The following ZDHHC16 variants were observed in gnomAD, a reference collection of about 807,000 sequenced individuals.
The protein encoded by ZDHHC16 is palmitoyltransferase ZDHHC16.
In ZDHHC16, 33 loss-of-function variants were observed where a neutral mutation model predicts 54.4. The ratio of observed to expected loss-of-function variants is 0.61; its 90% CI spans 0.46 to 0.81. The LOEUF (loss-of-function observed/expected upper bound fraction) is 0.81, where lower values mean the gene tolerates loss of function less well. Ranked by LOEUF, ZDHHC16 falls within the 30% of genes least tolerant of loss-of-function variation. The pLI is 0.00. For missense variants in ZDHHC16, 420 were observed against 485.9 expected (o/e 0.86, Z 1.28); for synonymous variants, 185 against 182.1 (o/e 1.02, Z -0.13).
At chr10:97,448,742 A>G (rs1441220737) in intron 1 of ZDHHC16, among the ~76,000 whole-genome samples, 1 of 152,218 alleles carries the variant, frequency 6.6e-6, no homozygotes, top group Non-Finnish European at 1.5e-5. Context: ...TGGGCAACAG[A>G]GCGAGACTTC....
chr10:97,454,657 G>A, intron 8 of ZDHHC16, 57 bp from the exon 9 acceptor site: 1 of 1,442,390 alleles, frequency 6.9e-7, no homozygotes, highest in Non-Finnish European at 9.8e-7. Flanking sequence ...GGTGCTGGGG[G>A]CAGTTGCTGG....
At position 97,457,074 on chromosome 10, in the gene ZDHHC16, G is replaced by A; in HGVS notation, c.*183G>A. ...CACTGCAGAAGAAAGACACAATGTG[G>A]AGAAATCTTAGGACTGACATCCCTT... On this transcript the variant is annotated 3_prime_UTR_variant, in exon 12 of 12. Coordinates refer to ENST00000393760, the MANE Select transcript of ZDHHC16 (RefSeq NM_198046.3). The A allele has an allele frequency of 9.5e-6, 4 of 421,260 alleles. No individual in the cohort carries two copies. The highest frequency in any genetic ancestry group is 1.7e-5 in the Non-Finnish European group (4 of 236,332). The allele number at this position is 421,260 out of a possible 1,614,324, so 26.1% of individuals were successfully genotyped here.
rs778391176 is a variant in ZDHHC16 at position 97,452,395 on chromosome 10, T to C, written c.439-20T>C. ...AGAGACAGAACTGGTGCTGCCACGT[T>C]ATGCTCTCCCTTCACACAGGGCAGG... On this transcript the variant is annotated intron_variant, in intron 4 of 11. Transcript: ENST00000393760. 4 of 1,613,732 alleles carry C rather than the reference T, an allele frequency of 2.5e-6. No individual in the cohort carries two copies. Among genetic ancestry groups the C allele is most frequent in the Admixed American group, 3.3e-5 (2 of 59,996 alleles).
chr10:97,449,359 A>G (rs1376879910), intron 1 of ZDHHC16, among the ~76,000 whole-genome samples: 1 of 152,112 alleles, frequency 6.6e-6, no homozygotes, highest in Non-Finnish European at 1.5e-5. Context: ...TCCATGACCT[A>G]TAGAAAGGGA....
chr10:97,453,284 T>C (rs1846821103), intron 6 of ZDHHC16, among the ~76,000 whole-genome samples: 1 of 152,140 alleles, frequency 6.6e-6, no homozygotes, highest in Non-Finnish European at 1.5e-5. Context: ...GGCAGATTCA[T>C]TTTACTGAAG....
Position 97,447,575 on chromosome 10 carries a change from C to A in ZDHHC16, c.-186+1222C>A, listed in dbSNP as rs553220188. Among the ~76,000 whole-genome samples, 48 of 152,264 alleles carry A rather than the reference C, an allele frequency of 3.2e-4. No individual in the cohort carries two copies. The Middle Eastern group carries it at 0.014, about 43-fold the overall frequency. On this transcript the variant is annotated intron_variant, in intron 1 of 11. Transcript: ENST00000393760. ...TTCCTCCCGTTCACTGAGATTAGCC[C>A]CTTCTCCCCTACACACATCTTTTTG... is the stretch of plus-strand genomic sequence containing the variant.
chr10:97,446,208 C>T lies in ZDHHC16; in HGVS notation c.-331C>T, dbSNP rs1264629058. ...GGATGGGCTGGCGGCGGGTCCGGGTCCGCTGCCTGGCGCTGCGGGCGGCGG... is the reference window on the plus strand; with the variant it reads ...GGATGGGCTGGCGGCGGGTCCGGGTTCGCTGCCTGGCGCTGCGGGCGGCGG... On this transcript the variant is annotated 5_prime_UTR_variant, in exon 1 of 12. Transcript: ENST00000393760. The T allele has an allele frequency of 1.8e-5, 12 of 654,916 alleles. No individual in the cohort carries two copies. The highest frequency in any genetic ancestry group is 3.7e-5 in the African/African-American group (2 of 54,766). 40.6% of individuals were successfully genotyped at this position (654,916 alleles called of 1,614,324 possible).
At chr10:97,448,582 C>A (rs1050304580) in intron 1 of ZDHHC16, among the ~76,000 whole-genome samples, 18 of 152,270 alleles carry the variant, frequency 1.2e-4, no homozygotes, top group African/African-American at 4.1e-4. Context: ...CATTGCGAAA[C>A]CCCGTCTCTA....
chr10:97,456,906 G>A lies in ZDHHC16; in HGVS notation c.*15G>A, dbSNP rs1847325758. ...TGGCAGTGTGAGCTGGACTGTGTCA[G>A]CCACGACTCGAGCACTCATTCTGCT... On this transcript the variant is annotated 3_prime_UTR_variant, in exon 12 of 12. Transcript: ENST00000393760. 9.5e-6 allele frequency: 15 copies of A among 1,585,124 alleles called. No homozygotes were observed. Among genetic ancestry groups the A allele is most frequent in the Non-Finnish European group, 1.3e-5 (15 of 1,162,206 alleles).
At chr10:97,448,015 T>C (rs1456940158) in intron 1 of ZDHHC16, among the ~76,000 whole-genome samples, 8 of 152,120 alleles carry the variant, frequency 5.3e-5, no homozygotes, top group Non-Finnish European at 2.9e-5. Flanking sequence ...CATTAGCTAA[T>C]GGAGAGAGGC....
intron 2 of ZDHHC16, chr10:97,450,839 C>T (rs554085462): frequency 2.8e-5 from 4 of 144,156 alleles, no homozygotes; most frequent in Admixed American, 7.1e-5. Context: ...GGTCAGGACC[C>T]GAGGCCTTCA....
chr10:97,452,708 A>G, intron 5 of ZDHHC16, 187 bp from the exon 6 acceptor site: 1 of 930,932 alleles, frequency 1.1e-6, no homozygotes, highest in Non-Finnish European at 1.6e-6. Context: ...GTTTGGAGAG[A>G]TGAGTTACCT....
At position 97,451,675 on chromosome 10, in the gene ZDHHC16, C is replaced by A; in HGVS notation, c.-1C>A. The A allele has an allele frequency of 1.2e-6, 2 of 1,608,492 alleles. No homozygotes were observed. Among genetic ancestry groups the A allele is most frequent in the Non-Finnish European group, 1.7e-6 (2 of 1,178,162 alleles). ...CACAATGGTGTGCTCTCGTAGGAAC[C>A]ATGCGAGGCCAGCGGAGCCTGCTGC... On this transcript the variant is annotated 5_prime_UTR_variant, in exon 3 of 12. Coordinates refer to ENST00000393760, the MANE Select transcript of ZDHHC16 (RefSeq NM_198046.3).
Position 97,456,196 on chromosome 10 carries a change from G to T in ZDHHC16, c.1019+152G>T, listed in dbSNP as rs3818909. On this transcript the variant is annotated intron_variant, in intron 11 of 11. Coordinates refer to ENST00000393760, the MANE Select transcript of ZDHHC16 (RefSeq NM_198046.3). The stretch of plus-strand genomic sequence containing the variant: ...TAGAGATCATTGTCCATTTGAACCA[G>T]AAAGGCTTGAGGCCAATACTGTGTG... 15 of 784,768 alleles carry T rather than the reference G, an allele frequency of 1.9e-5. No homozygotes were observed. The East Asian group carries it at 3.8e-4, about 20-fold the overall frequency. 48.6% of individuals were successfully genotyped at this position (784,768 alleles called of 1,614,324 possible).
chr10:97,456,457 T>C (rs1847217851), intron 11 of ZDHHC16: 1 of 300,174 alleles, frequency 3.3e-6, no homozygotes, highest in Non-Finnish European at 6.2e-6. Context: ...GAAACAATTT[T>C]TCAAATGGCA....
chr10:97,454,631 T>C, intron 8 of ZDHHC16, 83 bp from the exon 9 acceptor site: 1 of 1,266,538 alleles, frequency 7.9e-7, no homozygotes, highest in Non-Finnish European at 1.1e-6. Context: ...TGGATTTGGA[T>C]CATTTCCTGC....
intron 9 of ZDHHC16, 150 bp downstream of exon 9, chr10:97,454,949 TCAGGGCAGG>T: frequency 4.5e-6 from 3 of 673,394 alleles, no homozygotes; most frequent in Admixed American, 2.6e-5. Flanking sequence ...TCTTCAGCAT[TCAGGGCAGG>T]GAGCACTGAG....
At chr10:97,447,371 A>C (rs1846177919) in intron 1 of ZDHHC16, among the ~76,000 whole-genome samples, 1 of 152,206 alleles carries the variant, frequency 6.6e-6, no homozygotes, top group East Asian at 1.9e-4. Context: ...CTGTCCCCTC[A>C]GTCGACTTTC....
chr10:97,451,687 G>A lies in ZDHHC16; in HGVS notation c.12G>A (p.Gln4=). The stretch of plus-strand genomic sequence containing the variant: ...CTCTCGTAGGAACCATGCGAGGCCA[G>A]CGGAGCCTGCTGCTGGGCCCGGCCC... MRG[Q]RSLLLGPARL... is the part of the protein sequence containing the mutation. Residue 4 remains glutamine (Q), a synonymous_variant, in exon 3 of 12, where the codon CAG becomes CAA. Transcript: ENST00000393760. 6.2e-7 allele frequency: 1 copy of A among 1,610,726 alleles called. No individual in the cohort carries two copies. The highest frequency in any genetic ancestry group is 8.5e-7 in the Non-Finnish European group (1 of 1,179,296).
Sources: allele counts gnomAD v4.1 joint callset (sites outside exome capture counted in the v4.1 genomes callset), GRCh38; gene constraint gnomAD v4.1.1; transcripts MANE v1.5; gene names NCBI Gene and HGNC (gene_info 2026-07-23, HGNC 2026-07-21).